The following FAM3C variants were observed in gnomAD, a reference collection of about 807,000 sequenced individuals.
FAM3C encodes the protein protein FAM3C.
FAM3C carries 15 observed loss-of-function variants against 32.5 expected under a neutral mutation model. The observed-to-expected ratio is 0.46, with a 90% confidence interval of 0.31 to 0.71. The LOEUF (loss-of-function observed/expected upper bound fraction) is 0.71, where lower values mean the gene tolerates loss of function less well. Among genes scored for constraint, FAM3C ranks in the 30% least tolerant of loss-of-function variants. The pLI is 0.05. For missense variants in FAM3C, 175 were observed against 274.4 expected (o/e 0.64, Z 2.56); for synonymous variants, 75 against 86.1 (o/e 0.87, Z 0.72).
At chr7:121,371,120 T>A (rs1156580081) in intron 5 of FAM3C, among the ~76,000 whole-genome samples, 180 bp downstream of exon 5, 1 of 152,148 alleles carries the variant, frequency 6.6e-6, no homozygotes, top group Non-Finnish European at 1.5e-5. Flanking sequence ...CTCTCTAATA[T>A]AAAATTTAAG....
chr7:121,367,785 A>G (rs1401528665), intron 5 of FAM3C, among the ~76,000 whole-genome samples: 1 of 152,046 alleles, frequency 6.6e-6, no homozygotes, highest in East Asian at 1.9e-4. Context: ...TGGGCAACAC[A>G]ATGGGACCCC....
chr7:121,376,038 C>T (rs959764982), intron 3 of FAM3C, among the ~76,000 whole-genome samples: 9 of 152,218 alleles, frequency 5.9e-5, no homozygotes, highest in African/African-American at 1.4e-4. Context: ...CAACATGGAA[C>T]GAGTCCTCTA....
intron 2 of FAM3C, among the ~76,000 whole-genome samples, chr7:121,379,267 G>A (rs980534117): frequency 3.3e-5 from 5 of 151,950 alleles, no homozygotes; most frequent in African/African-American, 1.2e-4. Flanking sequence ...AGTTTTATAT[G>A]CAAAAAAATT....
intron 7 of FAM3C, 93 bp from the exon 8 acceptor site, chr7:121,360,220 T>C: frequency 1.4e-6 from 1 of 696,270 alleles, no homozygotes. Flanking sequence ...ATGAAGTATC[T>C]GTAAAGCAAT....
chr7:121,374,942 T>C (rs891528577), intron 3 of FAM3C, among the ~76,000 whole-genome samples: 1 of 152,210 alleles, frequency 6.6e-6, no homozygotes, highest in Non-Finnish European at 1.5e-5. Flanking sequence ...TTCCTTTCCA[T>C]GTAGAAATCC....
chr7:121,363,096 G>A (rs890785297), intron 6 of FAM3C, 149 bp from the exon 7 acceptor site: 9 of 520,144 alleles, frequency 1.7e-5, no homozygotes, highest in Non-Finnish European at 3.0e-5. Flanking sequence ...TCATCTCAAA[G>A]AATTACTTTG....
At position 121,371,440 on chromosome 7, in the gene FAM3C, A is replaced by G; in HGVS notation, c.149-17T>C. On this transcript the variant is annotated splice_polypyrimidine_tract_variant and intron_variant, in intron 4 of 9. Transcript: ENST00000359943. ...GCTTTGTAGCTTTGGGGGAGAAAAC[A>G]TGATGTCTTTTTTTAGAAAACAAGT... 8.1e-6 allele frequency: 13 copies of G among 1,611,620 alleles called. No individual in the cohort carries two copies. The highest frequency in any genetic ancestry group is 1.1e-5 in the Non-Finnish European group (13 of 1,178,230).
chr7:121,379,253 G>A (rs1427903075), intron 2 of FAM3C, among the ~76,000 whole-genome samples: 1 of 152,008 alleles, frequency 6.6e-6, no homozygotes, highest in Non-Finnish European at 1.5e-5. Flanking sequence ...TGAACCATCT[G>A]CCTAGTTTTA....
At position 121,389,125 on chromosome 7, in the gene FAM3C, C is replaced by A. The variant is rs144666581; in HGVS notation, c.-41-6115G>T. ...CATGAAAGTGCCCCATCTAGGCCAA[C>A]TTTTACCCAAAGACTTAGTGTAGGG... On this transcript the variant is annotated intron_variant, in intron 1 of 9. Transcript: ENST00000359943. Among the ~76,000 whole-genome samples the A allele has an allele frequency of 1.8e-4, 27 of 152,276 alleles. 1 individual carries two copies. The highest frequency in any genetic ancestry group is 3.4e-3 in the Middle Eastern group (1 of 294).
chr7:121,380,273 C>CA (rs1794322660), intron 2 of FAM3C: 1 of 152,072 alleles, frequency 6.6e-6, no homozygotes, highest in Non-Finnish European at 1.5e-5. Context: ...TCCTGTAAAA[C>CA]AGTCATATGA....
At chr7:121,387,006 A>G (rs1402710809) in intron 1 of FAM3C, among the ~76,000 whole-genome samples, 7 of 152,150 alleles carry the variant, frequency 4.6e-5, no homozygotes, top group Non-Finnish European at 7.4e-5. Flanking sequence ...TAAAAGGGCC[A>G]GATGGTAAAT....
intron 8 of FAM3C, among the ~76,000 whole-genome samples, chr7:121,355,524 G>A (rs913520995): frequency 9.2e-5 from 14 of 152,170 alleles, no homozygotes; most frequent in African/African-American, 3.1e-4. Context: ...GAACTAGTGG[G>A]AAGGAGAGGG....
At chr7:121,360,226 G>T in intron 7 of FAM3C, 99 bp from the exon 8 acceptor site, 1 of 675,826 alleles carries the variant, frequency 1.5e-6, no homozygotes. Context: ...TATCTGTAAA[G>T]CAATAATTTC....
chr7:121,354,619 T>C (rs2536180), intron 8 of FAM3C, among the ~76,000 whole-genome samples: 82,077 of 151,936 alleles, frequency 0.54, 24,248 homozygotes, highest in African/African-American at 0.79. Context: ...ACAATATTAA[T>C]GGCTCAATTC....
At chr7:121,382,302 A>G (rs1262942384) in intron 2 of FAM3C, among the ~76,000 whole-genome samples, 2 of 152,192 alleles carry the variant, frequency 1.3e-5, no homozygotes, top group Non-Finnish European at 2.9e-5. Context: ...GCTGCTTAAT[A>G]AACAGATTAA....
chr7:121,387,839 T>C (rs1165946599), intron 1 of FAM3C, among the ~76,000 whole-genome samples: 1 of 152,124 alleles, frequency 6.6e-6, no homozygotes, highest in Non-Finnish European at 1.5e-5. Context: ...ATCTAATGCT[T>C]AACAAACTTC....
intron 2 of FAM3C, among the ~76,000 whole-genome samples, chr7:121,380,471 T>C (rs1197984109): frequency 6.6e-6 from 1 of 151,908 alleles, no homozygotes; most frequent in Non-Finnish European, 1.5e-5. Flanking sequence ...CATGTTCTCA[T>C]TCATAAGCAA....
At chr7:121,389,028 T>C (rs1794524568) in intron 1 of FAM3C, among the ~76,000 whole-genome samples, 1 of 152,140 alleles carries the variant, frequency 6.6e-6, no homozygotes, top group Non-Finnish European at 1.5e-5. Flanking sequence ...CTTCTAAGAA[T>C]GAAATTGGTA....
At chr7:121,382,893 G>C in intron 2 of FAM3C, 64 bp downstream of exon 2, 1 of 1,194,512 alleles carries the variant, frequency 8.4e-7, no homozygotes, top group Non-Finnish European at 1.2e-6. Flanking sequence ...CTCTCCTTTA[G>C]TTATTCTTTA....
Sources: allele counts gnomAD v4.1 joint callset (sites outside exome capture counted in the v4.1 genomes callset), GRCh38; gene constraint gnomAD v4.1.1; transcripts MANE v1.5; gene names NCBI Gene and HGNC (gene_info 2026-07-23, HGNC 2026-07-21).